Variants in METTL25 observed in about 807,000 individuals in gnomAD.
The protein encoded by METTL25 is probable methyltransferase-like protein 25.
In METTL25, 64 loss-of-function variants were observed where a neutral mutation model predicts 71.6. That is an observed-to-expected ratio of 0.89 (90% confidence interval 0.73 to 1.10). The LOEUF (loss-of-function observed/expected upper bound fraction) is 1.10, where lower values mean the gene tolerates loss of function less well. METTL25 is among the 50% of genes least tolerant of loss of function. The pLI, the probability that METTL25 is intolerant of heterozygous loss-of-function variation, is 0.00. For missense variants in METTL25, 807 were observed against 707.0 expected (o/e 1.14, Z -1.60); for synonymous variants, 287 against 250.3 (o/e 1.15, Z -1.38).
chr12:82,375,519 C>G (rs1000904065), intron 1 of METTL25, among the ~76,000 whole-genome samples: 2 of 152,094 alleles, frequency 1.3e-5, no homozygotes, highest in Non-Finnish European at 1.5e-5. Flanking sequence ...AGGATTGAAA[C>G]AGTTGTGTTT....
chr12:82,392,336 A>T (rs1374360061), intron 3 of METTL25, among the ~76,000 whole-genome samples: 2 of 144,856 alleles, frequency 1.4e-5, no homozygotes, highest in Non-Finnish European at 3.0e-5. Flanking sequence ...GTTCCCACCT[A>T]TGAGTGAGAA....
intron 10 of METTL25, 138 bp from the exon 11 acceptor site, chr12:82,477,143 G>A (rs894062102): frequency 6.7e-5 from 32 of 474,874 alleles, no homozygotes; most frequent in South Asian, 3.6e-4. Context: ...TTCATTTTCT[G>A]AAGATGTACC....
At chr12:82,421,570 T>C (rs1888497382) in intron 5 of METTL25, among the ~76,000 whole-genome samples, 1 of 151,430 alleles carries the variant, frequency 6.6e-6, no homozygotes, top group Non-Finnish European at 1.5e-5. Flanking sequence ...ATAACTAAGA[T>C]CAAAGCAGAA....
chr12:82,363,748 A>G (rs1423989011), intron 1 of METTL25, among the ~76,000 whole-genome samples: 2 of 145,686 alleles, frequency 1.4e-5, no homozygotes, highest in African/African-American at 2.5e-5. Context: ...AAAAAAAAGG[A>G]AAGTGTGACT....
intron 6 of METTL25, among the ~76,000 whole-genome samples, chr12:82,433,488 A>G (rs750056557): frequency 2.6e-5 from 4 of 151,630 alleles, no homozygotes; most frequent in African/African-American, 9.7e-5. Context: ...TGGGAATATT[A>G]CATTTTTTTT....
chr12:82,372,267 A>T (rs963775950), intron 1 of METTL25, among the ~76,000 whole-genome samples: 1 of 152,140 alleles, frequency 6.6e-6, no homozygotes, highest in East Asian at 1.9e-4. Flanking sequence ...GGGTTGGGCC[A>T]AATTCCCTTC....
chr12:82,475,650 G>A lies in METTL25; in HGVS notation c.1573-994G>A, dbSNP rs377024054. Among the ~76,000 whole-genome samples, 28 of 152,062 alleles carry A rather than the reference G, an allele frequency of 1.8e-4. No individual in the cohort carries two copies. The South Asian group carries it at 5.8e-3, about 32-fold the overall frequency. ...CATTTAATTGACAGCAGTTTCTTCTGGTGACTCTGCTTTATCAGGCTTTTC... is the reference window on the plus strand; with the variant it reads ...CATTTAATTGACAGCAGTTTCTTCTAGTGACTCTGCTTTATCAGGCTTTTC... On this transcript the variant is annotated intron_variant, in intron 9 of 11. Transcript: ENST00000248306.
intron 3 of METTL25, among the ~76,000 whole-genome samples, chr12:82,398,267 A>G (rs1447151277): frequency 1.4e-5 from 2 of 146,514 alleles, no homozygotes; most frequent in Non-Finnish European, 3.0e-5. Flanking sequence ...TTTTTTTTAT[A>G]GAGACAGGAT....
At chr12:82,404,765 A>C (rs553777668) in intron 5 of METTL25, among the ~76,000 whole-genome samples, 1 of 152,232 alleles carries the variant, frequency 6.6e-6, no homozygotes, top group Non-Finnish European at 1.5e-5. Context: ...CAACATGGTG[A>C]AACTCCGTTT....
At position 82,408,092 on chromosome 12, in the gene METTL25, AAT is replaced by A. The variant is rs528407106; in HGVS notation, c.1279+4966_1279+4967del. ...TAATAATCTCTAGGCATAGGACTTG[AAT>A]ATAAGTATGATTAAGAAGTTCTATA... is the stretch of plus-strand genomic sequence containing the variant. On this transcript the variant is annotated intron_variant, in intron 5 of 11. Coordinates refer to ENST00000248306, the MANE Select transcript of METTL25 (RefSeq NM_032230.3). The A allele has an allele frequency of 5.6e-5, 15 of 269,886 alleles. No homozygotes were observed. The South Asian group carries it at 1.7e-3, about 31-fold the overall frequency. 16.7% of individuals were successfully genotyped at this position (269,886 alleles called of 1,614,324 possible).
intron 5 of METTL25, among the ~76,000 whole-genome samples, chr12:82,412,390 G>C (rs1887619787): frequency 6.6e-6 from 1 of 151,980 alleles, no homozygotes; most frequent in Non-Finnish European, 1.5e-5. Flanking sequence ...GGTTGGCTCT[G>C]CCTCTGAATA....
chr12:82,380,236 C>A (rs1309357313), intron 1 of METTL25, among the ~76,000 whole-genome samples: 2 of 152,006 alleles, frequency 1.3e-5, no homozygotes, highest in African/African-American at 4.8e-5. Flanking sequence ...CTTTTCTGTT[C>A]TTGCATTACT....
intron 8 of METTL25, among the ~76,000 whole-genome samples, chr12:82,441,026 A>T (rs1346847156): frequency 2.0e-5 from 3 of 152,044 alleles, no homozygotes; most frequent in Admixed American, 2.0e-4. Context: ...AGTTCTAGTG[A>T]AACAAAAGTT....
intron 1 of METTL25, among the ~76,000 whole-genome samples, chr12:82,375,450 A>AT (rs1261059150): frequency 6.6e-3 from 304 of 46,352 alleles, no homozygotes; most frequent in Admixed American, 0.035. Flanking sequence ...AGGAAAAAAA[A>AT]AAATATATAT....
intron 1 of METTL25, among the ~76,000 whole-genome samples, chr12:82,380,735 T>C (rs535738014): frequency 6.6e-6 from 1 of 152,334 alleles, no homozygotes; most frequent in South Asian, 2.1e-4. Context: ...CAGCAGTGAA[T>C]AAAAATTCTT....
At chr12:82,453,717 TTATC>T (rs543454671) in intron 8 of METTL25, among the ~76,000 whole-genome samples, 3 of 152,320 alleles carry the variant, frequency 2.0e-5, no homozygotes, top group South Asian at 4.1e-4. Context: ...GCCTATATGC[TTATC>T]TATTATACTT....
intron 1 of METTL25, among the ~76,000 whole-genome samples, chr12:82,382,644 T>C (rs1884551844): frequency 2.0e-5 from 3 of 152,236 alleles, no homozygotes; most frequent in South Asian, 4.1e-4. Flanking sequence ...ATAGATATCA[T>C]AATAAGATTT....
chr12:82,476,761 G>T (rs767255254), intron 10 of METTL25, 43 bp downstream of exon 10: 1 of 1,253,968 alleles, frequency 8.0e-7, no homozygotes, highest in East Asian at 2.4e-5. Flanking sequence ...TATGTTGCTA[G>T]ACTTGAATAG....
At chr12:82,423,822 A>C (rs1333059564) in intron 5 of METTL25, among the ~76,000 whole-genome samples, 3 of 152,238 alleles carry the variant, frequency 2.0e-5, no homozygotes. Flanking sequence ...AATGCAAATC[A>C]AAACCACAAT....
Sources: allele counts gnomAD v4.1 joint callset (sites outside exome capture counted in the v4.1 genomes callset), GRCh38; gene constraint gnomAD v4.1.1; transcripts MANE v1.5; gene names NCBI Gene and HGNC (gene_info 2026-07-23, HGNC 2026-07-21).